Variants in ANOS1 observed in about 807,000 individuals in gnomAD.
ANOS1 encodes the protein anosmin-1.
In ANOS1, 6 loss-of-function variants were observed where a neutral mutation model predicts 59.0. The ratio of observed to expected loss-of-function variants is 0.10; its 90% CI spans 0.06 to 0.20. The LOEUF (loss-of-function observed/expected upper bound fraction) is 0.20, where lower values mean the gene tolerates loss of function less well. Ranked by LOEUF, ANOS1 falls within the 10% of genes least tolerant of loss-of-function variation. ANOS1 has a pLI of 1.00. For synonymous variants in ANOS1, 217 were observed against 223.4 expected (o/e 0.97, Z 0.25); for missense variants, 433 against 542.3 (o/e 0.80, Z 2.00).
intron 3 of ANOS1, among the ~76,000 whole-genome samples, chrX:8,614,340 G>A (rs1198787946): frequency 6.2e-5 from 7 of 112,106 alleles, no homozygotes; most frequent in Admixed American, 3.8e-4. Flanking sequence ...TAGAGACAGT[G>A]TTAGGGAAAG....
In ANOS1 at chrX:8,610,338, A is replaced by G. The variant is rs145260731; in HGVS notation, c.319-13082T>C. Among the ~76,000 whole-genome samples, 102 of 112,246 alleles carry G rather than the reference A, an allele frequency of 9.1e-4. 1 individual carries two copies. The highest frequency in any genetic ancestry group is 2.9e-3 in the African/African-American group (90 of 30,934). ...AAGACAAGAAAACCTATAAGGACACAAATGAGATGAGCTACAATTTTGCCA... is the reference window on the plus strand; with the variant it reads ...AAGACAAGAAAACCTATAAGGACACGAATGAGATGAGCTACAATTTTGCCA... On this transcript the variant is annotated intron_variant, in intron 3 of 13. Coordinates refer to ENST00000262648, the MANE Select transcript of ANOS1 (RefSeq NM_000216.4).
intron 3 of ANOS1, among the ~76,000 whole-genome samples, chrX:8,613,466 T>A (rs1298196668): frequency 1.8e-5 from 2 of 110,979 alleles, no homozygotes; most frequent in African/African-American, 6.6e-5. Flanking sequence ...GCTCAAGTGA[T>A]CCTCCCGTCT....
intron 2 of ANOS1, among the ~76,000 whole-genome samples, chrX:8,686,224 G>T (rs2146890124): frequency 8.9e-6 from 1 of 111,958 alleles, no homozygotes; most frequent in East Asian, 2.8e-4. Flanking sequence ...GGATAAAAGG[G>T]TTCAAGAGAC....
intron 2 of ANOS1, among the ~76,000 whole-genome samples, chrX:8,672,935 G>C (rs143494616): frequency 9.0e-6 from 1 of 111,303 alleles, no homozygotes; most frequent in Non-Finnish European, 1.9e-5. Context: ...AAAGCAATAA[G>C]GAAATTAAAA....
intron 2 of ANOS1, among the ~76,000 whole-genome samples, chrX:8,671,821 T>C (rs1027699084): frequency 1.8e-5 from 2 of 110,705 alleles, no homozygotes; most frequent in African/African-American, 6.6e-5. Flanking sequence ...AAAAACTATA[T>C]ATAATTATTG....
intron 4 of ANOS1, among the ~76,000 whole-genome samples, chrX:8,596,776 G>A (rs1211342264): frequency 2.7e-5 from 3 of 111,875 alleles, no homozygotes; most frequent in South Asian, 3.8e-4. Context: ...AAATGTTCCT[G>A]AATTGTTGCT....
chrX:8,709,597 C>G (rs764302578), intron 1 of ANOS1, among the ~76,000 whole-genome samples: 2 of 111,894 alleles, frequency 1.8e-5, no homozygotes, highest in African/African-American at 6.5e-5. Flanking sequence ...TGGTTATCTG[C>G]AAAGAGTATG....
At chrX:8,691,215 A>G (rs1932602178) in intron 2 of ANOS1, among the ~76,000 whole-genome samples, 1 of 109,712 alleles carries the variant, frequency 9.1e-6, no homozygotes, top group Admixed American at 9.8e-5. Flanking sequence ...CTGGGATTAC[A>G]GGCGTGCACC....
intron 1 of ANOS1, among the ~76,000 whole-genome samples, chrX:8,712,247 C>T (rs1932816730): frequency 8.9e-6 from 1 of 112,173 alleles, no homozygotes; most frequent in Non-Finnish European, 1.9e-5. Flanking sequence ...GTCCTCACAT[C>T]TCTGCATGTC....
chrX:8,719,195 G>A (rs899450893), intron 1 of ANOS1, among the ~76,000 whole-genome samples: 2 of 111,840 alleles, frequency 1.8e-5, no homozygotes, highest in Non-Finnish European at 3.8e-5. Flanking sequence ...TAGGCTTACA[G>A]GTTTTGGTCA....
At chrX:8,727,112 C>A (rs775813021) in intron 1 of ANOS1, among the ~76,000 whole-genome samples, 2 of 112,264 alleles carry the variant, frequency 1.8e-5, no homozygotes, top group Non-Finnish European at 3.8e-5. Context: ...GTATGCTCTG[C>A]AATGGCCATG....
chrX:8,657,980 T>C (rs1181069655), intron 2 of ANOS1, among the ~76,000 whole-genome samples: 1 of 111,338 alleles, frequency 9.0e-6, no homozygotes, highest in African/African-American at 3.3e-5. Context: ...CCATGGTATT[T>C]CTCATCTACT....
chrX:8,602,245 G>A lies in ANOS1; in HGVS notation c.319-4989C>T, dbSNP rs756974267. ...ATGTGTACATAAGGTCTCTCTCCAG[G>A]TCATTAATAATAGTTTAATGAGAAT... is the stretch of plus-strand genomic sequence containing the variant. On this transcript the variant is annotated intron_variant, in intron 3 of 13. Transcript: ENST00000262648. 9.7e-4 allele frequency among the ~76,000 whole-genome samples: 108 copies of A among 111,717 alleles called. 2 individuals are homozygous for A. Among genetic ancestry groups the A allele is most frequent in the Admixed American group, 3.8e-3 (40 of 10,483 alleles).
At chrX:8,662,561 A>G (rs1051778146) in intron 2 of ANOS1, among the ~76,000 whole-genome samples, 2 of 111,995 alleles carry the variant, frequency 1.8e-5, no homozygotes, top group African/African-American at 6.5e-5. Flanking sequence ...CCCAAAATTG[A>G]TATGTTGGGC....
At chrX:8,628,811 G>C (rs758792332) in intron 2 of ANOS1, among the ~76,000 whole-genome samples, 5 of 112,302 alleles carry the variant, frequency 4.5e-5, no homozygotes, top group Non-Finnish European at 9.4e-5. Flanking sequence ...TAGATTGAGA[G>C]AGCTAATCGC....
chrX:8,661,240 C>T (rs1478005663), intron 2 of ANOS1, among the ~76,000 whole-genome samples: 1 of 109,652 alleles, frequency 9.1e-6, no homozygotes, highest in Non-Finnish European at 1.9e-5. Flanking sequence ...TACCATAGAC[C>T]GGGCAGTTTA....
intron 2 of ANOS1, among the ~76,000 whole-genome samples, chrX:8,658,583 A>G (rs1317911564): frequency 8.9e-6 from 1 of 112,293 alleles, no homozygotes; most frequent in African/African-American, 3.2e-5. Context: ...TGAATTTAAT[A>G]CTTGCTCTCA....
At chrX:8,722,365 T>C (rs771538758) in intron 1 of ANOS1, among the ~76,000 whole-genome samples, 138 of 110,428 alleles carry the variant, frequency 1.2e-3, no homozygotes, top group African/African-American at 4.4e-3. Context: ...TCCCACCCTT[T>C]CCCCCGGAGT....
At chrX:8,619,094 AAAAAAAAG>A (rs1195217330) in intron 3 of ANOS1, among the ~76,000 whole-genome samples, 15 of 96,242 alleles carry the variant, frequency 1.6e-4, no homozygotes, top group Admixed American at 9.3e-4. Flanking sequence ...AAAAAAAAAA[AAAAAAAAG>A]AAAGAAAAGA....
Sources: allele counts gnomAD v4.1 joint callset (sites outside exome capture counted in the v4.1 genomes callset), GRCh38; gene constraint gnomAD v4.1.1; transcripts MANE v1.5; gene names NCBI Gene and HGNC (gene_info 2026-07-23, HGNC 2026-07-21).